SLC16A14: variants seen among roughly 807,000 people sequenced by gnomAD.
The protein encoded by SLC16A14 is monocarboxylate transporter 14.
A neutral mutation model predicts 35.8 loss-of-function variants in SLC16A14; 14 were observed. The ratio of observed to expected loss-of-function variants is 0.39; its 90% confidence interval spans 0.26 to 0.61. The LOEUF (loss-of-function observed/expected upper bound fraction) is 0.61, where lower values mean the gene tolerates loss of function less well. SLC16A14 is among the 20% of genes least tolerant of loss of function. SLC16A14 has a pLI of 0.51. For synonymous variants in SLC16A14, 248 were observed against 258.9 expected (o/e 0.96, Z 0.40); for missense variants, 533 against 655.0 (o/e 0.81, Z 2.03).
At chr2:230,042,960 C>G (rs535533077) in intron 4 of SLC16A14, among the ~76,000 whole-genome samples, 1 of 152,164 alleles carries the variant, frequency 6.6e-6, no homozygotes, top group Non-Finnish European at 1.5e-5. Context: ...ATGTCTGAGA[C>G]GTTGCCCCAA....
rs191250533 is a variant in SLC16A14 at position 230,052,664 on chromosome 2, A to T, written c.260-2760T>A. On this transcript the variant is annotated intron_variant, in intron 2 of 4. Transcript: ENST00000295190. Reference sequence around the variant, plus strand: ...AATTCCAAACTCAGTGCAAATATTCATGTCTGGAGGAATTTTATAAATTTA... The same window carrying T: ...AATTCCAAACTCAGTGCAAATATTCTTGTCTGGAGGAATTTTATAAATTTA... Among the ~76,000 whole-genome samples, 5 of 152,164 alleles carry T rather than the reference A, an allele frequency of 3.3e-5. No individual in the cohort carries two copies. In the East Asian group the frequency reaches 9.7e-4, roughly 29 times the overall value.
At chr2:230,052,430 C>G (rs1473829032) in intron 2 of SLC16A14, among the ~76,000 whole-genome samples, 1 of 152,068 alleles carries the variant, frequency 6.6e-6, no homozygotes, top group Non-Finnish European at 1.5e-5. Flanking sequence ...GGTTACTTGA[C>G]TATGCCTAGC....
In SLC16A14 at chr2:230,044,302, G is replaced by A. The variant is rs112468895; in HGVS notation, c.1381+1443C>T. Among the ~76,000 whole-genome samples the A allele has an allele frequency of 2.2e-3, 321 of 147,286 alleles. 1 individual carries two copies. Among genetic ancestry groups the A allele is most frequent in the African/African-American group, 6.3e-3 (250 of 39,940 alleles). On this transcript the variant is annotated intron_variant, in intron 4 of 4. Coordinates refer to ENST00000295190, the MANE Select transcript of SLC16A14 (RefSeq NM_152527.5). ...AGCCTGGCCAATATGGTGAAACCCCGTCTCTACTTAAAAAAAAAAAAAAAA... is the reference window on the plus strand; with the variant it reads ...AGCCTGGCCAATATGGTGAAACCCCATCTCTACTTAAAAAAAAAAAAAAAA...
In SLC16A14 at chr2:230,041,624, C is replaced by T. The variant is rs2077561191; in HGVS notation, c.1382-4093G>A. 2.0e-5 allele frequency among the ~76,000 whole-genome samples: 3 copies of T among 152,078 alleles called. 1 individual carries two copies. Among genetic ancestry groups the T allele is most frequent in the African/African-American group, 7.2e-5 (3 of 41,412 alleles). On this transcript the variant is annotated intron_variant, in intron 4 of 4. Coordinates refer to ENST00000295190, the MANE Select transcript of SLC16A14 (RefSeq NM_152527.5). ...GGATTACAGGCATGAGCCACCGCAC[C>T]CAGCCTATATTACATCTTTAAAGGG...
intron 2 of SLC16A14, among the ~76,000 whole-genome samples, chr2:230,058,487 T>A (rs1053123896): frequency 1.3e-5 from 2 of 151,570 alleles, no homozygotes; most frequent in African/African-American, 4.9e-5. Context: ...TGGCCAGGGG[T>A]GAGGGAAGAT....
intron 1 of SLC16A14, among the ~76,000 whole-genome samples, chr2:230,065,360 G>A (rs1010160182): frequency 3.9e-5 from 6 of 152,030 alleles, no homozygotes; most frequent in South Asian, 2.1e-4. Flanking sequence ...AGGTTTAAGC[G>A]ATTCTCCTGT....
At chr2:230,062,855 T>A (rs947539985) in intron 1 of SLC16A14, among the ~76,000 whole-genome samples, 2 of 152,160 alleles carry the variant, frequency 1.3e-5, no homozygotes, top group African/African-American at 4.8e-5. Context: ...AATTATTCCA[T>A]CTCCTCAACA....
intron 1 of SLC16A14, among the ~76,000 whole-genome samples, chr2:230,059,961 A>C (rs1214352280): frequency 3.9e-5 from 6 of 152,210 alleles, no homozygotes; most frequent in Non-Finnish European, 7.3e-5. Flanking sequence ...TTACAATGAA[A>C]GACATAGCTT....
At chr2:230,061,255 A>G (rs552166957) in intron 1 of SLC16A14, among the ~76,000 whole-genome samples, 4 of 152,366 alleles carry the variant, frequency 2.6e-5, no homozygotes, top group Admixed American at 6.5e-5. Context: ...AGCTGGTCTA[A>G]GTTCCAATTA....
At chr2:230,063,523 A>G (rs956391338) in intron 1 of SLC16A14, among the ~76,000 whole-genome samples, 1 of 152,302 alleles carries the variant, frequency 6.6e-6, no homozygotes, top group Middle Eastern at 3.4e-3. Flanking sequence ...ACTATCTAAC[A>G]TCAGAATACT....
Position 230,068,466 on chromosome 2 carries a change from G to C in SLC16A14, c.-15+89C>G, listed in dbSNP as rs944143344. 5.9e-5 allele frequency: 9 copies of C among 152,736 alleles called. No homozygotes were observed. The highest frequency in any genetic ancestry group is 2.2e-4 in the African/African-American group (9 of 41,436). The allele number at this position is 152,736 out of a possible 1,614,324, so 9.5% of individuals were successfully genotyped here. On this transcript the variant is annotated intron_variant, in intron 1 of 4. Coordinates refer to ENST00000295190, the MANE Select transcript of SLC16A14 (RefSeq NM_152527.5). This position sits in a 1 kb window ranked among gnomAD's most constrained non-coding sequence, Gnocchi z 5.1. ...TGCCCCTTCCCGGGGGTCCCTGGGG[G>C]TGCAGCGGCCATCTGAAACCTAGGC...
chr2:230,044,877 C>T (rs1461837787), intron 4 of SLC16A14, among the ~76,000 whole-genome samples: 1 of 151,970 alleles, frequency 6.6e-6, no homozygotes, highest in Non-Finnish European at 1.5e-5. Flanking sequence ...CCACTCCTGG[C>T]CAATCTGTAT....
At chr2:230,058,638 ATT>A (rs61292690) in intron 2 of SLC16A14, among the ~76,000 whole-genome samples, 3 of 148,142 alleles carry the variant, frequency 2.0e-5, no homozygotes, top group Non-Finnish European at 3.0e-5. Context: ...TGGTAAAATT[ATT>A]TTTTTTTTTT....
Position 230,059,309 on chromosome 2 carries a change from C to T in SLC16A14, c.44G>A (p.Gly15Asp), listed in dbSNP as rs1388118440. Reference sequence around the variant, plus strand: ...CTTCAGTGTCTTTTTGTCTTTGGGGCCATCTTCAAAATCATACCCAATATC... The same window carrying T: ...CTTCAGTGTCTTTTTGTCTTTGGGGTCATCTTCAAAATCATACCCAATATC... ...HEDIGYDFED[G>D]PKDKKTLKPH... Residue 15 changes from glycine (G) to aspartate (D), a missense_variant, in exon 2 of 5, where the codon GGC becomes GAC. Gly to Asp is a moderately conservative substitution (Grantham distance 94, BLOSUM62 -1). Coordinates refer to ENST00000295190, the MANE Select transcript of SLC16A14 (RefSeq NM_152527.5). 6.2e-7 allele frequency: 1 copy of T among 1,610,290 alleles called. No individual in the cohort carries two copies. Among genetic ancestry groups the T allele is most frequent in the Non-Finnish European group, 8.5e-7 (1 of 1,177,518 alleles).
In SLC16A14 at chr2:230,046,485, GGAGA is replaced by G. The variant is rs1468392079; in HGVS notation, c.637_640del (p.Ser213LeufsTer24). 1.9e-6 allele frequency: 3 copies of G among 1,614,176 alleles called. No individual in the cohort carries two copies. ...TCCTGGGTCGTTTGGGTTTTTACCA[GGAGA>G]GAGGGGCCTCATGAGCGCCCCACAA... On this transcript the variant is annotated frameshift_variant, in exon 4 of 5. Coordinates refer to ENST00000295190, the MANE Select transcript of SLC16A14 (RefSeq NM_152527.5). LOFTEE classifies it high-confidence loss of function. This position sits in a 1 kb window ranked among gnomAD's most constrained non-coding sequence, Gnocchi z 5.0.
At chr2:230,051,667 C>G (rs2077660668) in intron 2 of SLC16A14, among the ~76,000 whole-genome samples, 2 of 152,086 alleles carry the variant, frequency 1.3e-5, no homozygotes, top group Non-Finnish European at 2.9e-5. Flanking sequence ...GTTATGAAAC[C>G]TTATATGCAG....
intron 2 of SLC16A14, among the ~76,000 whole-genome samples, chr2:230,053,725 G>T (rs910283112): frequency 4.6e-5 from 7 of 152,134 alleles, no homozygotes; most frequent in African/African-American, 1.7e-4. Flanking sequence ...AGGTTGCAGT[G>T]AGCTGAGATC....
chr2:230,063,334 G>A (rs537009058), intron 1 of SLC16A14, among the ~76,000 whole-genome samples: 3 of 145,054 alleles, frequency 2.1e-5, no homozygotes, highest in East Asian at 4.1e-4. Context: ...TCAGCCCTTC[G>A]AATTATCATT....
chr2:230,059,323 A>G lies in SLC16A14; in HGVS notation c.30T>C (p.Tyr10=). MYTSHEDIG[Y]DFEDGPKDKK... ...TGTCTTTGGGGCCATCTTCAAAATC[A>G]TACCCAATATCTTCATGACTGGTAT... Residue 10 remains tyrosine, a synonymous_variant, in exon 2 of 5, where the codon TAT becomes TAC. Transcript: ENST00000295190. 6.2e-7 allele frequency: 1 copy of G among 1,608,614 alleles called. No individual in the cohort carries two copies. The highest frequency in any genetic ancestry group is 1.1e-5 in the South Asian group (1 of 90,598).
Sources: gnomAD v4.1 joint callset for allele counts (sites outside exome capture counted in the v4.1 genomes callset) on GRCh38, gnomAD v4.1.1 for gene constraint, Gnocchi (gnomAD v3.1) non-coding constraint, MANE v1.5 for transcripts, NCBI Gene and HGNC (gene_info 2026-07-23, HGNC 2026-07-21) for gene names.